The following CAMK4 variants were observed in gnomAD, a reference collection of about 807,000 sequenced individuals.
The protein encoded by CAMK4 is calcium/calmodulin dependent protein kinase IV, also known as calcium/calmodulin-dependent protein kinase type IV.
CAMK4 carries 22 observed loss-of-function variants against 44.9 expected under a neutral mutation model. That is an observed-to-expected ratio of 0.49 (90% confidence interval 0.35 to 0.70). The LOEUF (loss-of-function observed/expected upper bound fraction) is 0.70. Among genes scored for constraint, CAMK4 ranks in the 30% least tolerant of loss-of-function variants. The pLI is 0.01. For missense variants in CAMK4, 498 were observed against 586.8 expected (o/e 0.85, Z 1.56); for synonymous variants, 218 against 215.4 (o/e 1.01, Z -0.11).
chr5:111,270,880 T>A (rs1750481819), intron 1 of CAMK4, among the ~76,000 whole-genome samples: 1 of 152,166 alleles, frequency 6.6e-6, no homozygotes, highest in Non-Finnish European at 1.5e-5. Flanking sequence ...GAGTAATTTA[T>A]AAAGGAAGGA....
At chr5:111,344,215 T>C (rs940014535) in intron 2 of CAMK4, 113 bp downstream of exon 2, 2 of 611,224 alleles carry the variant, frequency 3.3e-6, no homozygotes, top group Non-Finnish European at 5.7e-6. Flanking sequence ...AAATAACCCA[T>C]TTGACTCTTG....
At chr5:111,451,256 ATTTATAAAAC>A (rs755428554) in intron 7 of CAMK4, among the ~76,000 whole-genome samples, 73,974 of 151,988 alleles carry the variant, frequency 0.49, 18,195 homozygotes, top group Middle Eastern at 0.58. Flanking sequence ...AAATTTATAT[ATTTATAAAAC>A]TATAAATCAA....
intron 1 of CAMK4, among the ~76,000 whole-genome samples, chr5:111,278,829 T>A (rs1242103943): frequency 6.6e-6 from 1 of 152,174 alleles, no homozygotes; most frequent in Non-Finnish European, 1.5e-5. Context: ...AAAGGGATGG[T>A]TTCAGTGATA....
intron 4 of CAMK4, among the ~76,000 whole-genome samples, chr5:111,384,701 T>C (rs969020222): frequency 6.6e-6 from 1 of 152,190 alleles, no homozygotes; most frequent in Non-Finnish European, 1.5e-5. Flanking sequence ...AGCTTTGAAA[T>C]CTGTTCCCTT....
rs1666746261 is a variant in CAMK4 at position 111,419,064 on chromosome 5, G to A, written c.459+24282G>A. ...ACTAGTTTACAGTCCCACCAACAGT[G>A]TAAAAATGTTCCTATTTCTCCACAT... On this transcript the variant is annotated intron_variant, in intron 5 of 10. Transcript: ENST00000282356. 1.5e-4 allele frequency among the ~76,000 whole-genome samples: 23 copies of A among 152,250 alleles called. No homozygotes were observed. In the South Asian group the frequency reaches 4.8e-3, roughly 32 times the overall value.
At chr5:111,236,172 C>T (rs1395635158) in intron 1 of CAMK4, among the ~76,000 whole-genome samples, 1 of 152,142 alleles carries the variant, frequency 6.6e-6, no homozygotes, top group East Asian at 1.9e-4. Flanking sequence ...AATATTATTC[C>T]CCACACAGGC....
intron 5 of CAMK4, among the ~76,000 whole-genome samples, chr5:111,423,015 A>G (rs1753086725): frequency 6.6e-6 from 1 of 152,162 alleles, no homozygotes; most frequent in Non-Finnish European, 1.5e-5. Context: ...TTTTGTGTTC[A>G]TACCACGGAA....
intron 7 of CAMK4, among the ~76,000 whole-genome samples, chr5:111,462,560 G>T (rs1754680883): frequency 1.3e-5 from 2 of 152,142 alleles, no homozygotes; most frequent in Admixed American, 1.3e-4. Flanking sequence ...TTTTCCAAAA[G>T]AGTTACTAAT....
At chr5:111,259,456 A>G (rs1749886578) in intron 1 of CAMK4, among the ~76,000 whole-genome samples, 1 of 152,352 alleles carries the variant, frequency 6.6e-6, no homozygotes. Context: ...CACTGAACTC[A>G]TGATATTCAC....
chr5:111,383,903 G>C (rs1223477172), intron 4 of CAMK4, among the ~76,000 whole-genome samples: 1 of 152,146 alleles, frequency 6.6e-6, no homozygotes, highest in African/African-American at 2.4e-5. Context: ...AGACATGGAA[G>C]ACTATATATG....
At chr5:111,235,900 C>T (rs1050995699) in intron 1 of CAMK4, among the ~76,000 whole-genome samples, 26 of 152,170 alleles carry the variant, frequency 1.7e-4, no homozygotes, top group Middle Eastern at 3.4e-3. Flanking sequence ...GGCTCTGAGG[C>T]GGGGAGCACC....
intron 2 of CAMK4, among the ~76,000 whole-genome samples, chr5:111,368,857 A>G (rs1339124975): frequency 2.0e-5 from 3 of 151,746 alleles, no homozygotes; most frequent in African/African-American, 7.3e-5. Flanking sequence ...CCTGCACATT[A>G]TTTATCCTGG....
intron 4 of CAMK4, among the ~76,000 whole-genome samples, chr5:111,384,203 G>A (rs1365380601): frequency 6.6e-6 from 1 of 152,194 alleles, no homozygotes; most frequent in Non-Finnish European, 1.5e-5. Flanking sequence ...GAGGAGCACT[G>A]AAGGTCTGCT....
intron 1 of CAMK4, among the ~76,000 whole-genome samples, chr5:111,300,008 G>C (rs762797697): frequency 5.9e-5 from 9 of 152,134 alleles, no homozygotes; most frequent in African/African-American, 2.2e-4. Flanking sequence ...CCAAGAGTCA[G>C]CTATATCTGG....
intron 5 of CAMK4, among the ~76,000 whole-genome samples, chr5:111,402,085 G>A (rs1282909394): frequency 6.6e-6 from 1 of 152,222 alleles, no homozygotes; most frequent in Non-Finnish European, 1.5e-5. Context: ...CTTCCAGAGA[G>A]ACATAGGAAT....
At position 111,344,090 on chromosome 5, in the gene CAMK4, G is replaced by A. The variant is rs751197457; in HGVS notation, c.228G>A (p.Val76=). Residue 76 remains valine, a synonymous_variant, in exon 2 of 11, where the codon GTG becomes GTA. Transcript: ENST00000282356. ...CCCAGAAGCCTTATGCTCTCAAAGT[G>A]TTAAAGAAAACAGTAAGTTTATTTC... ...KGTQKPYALK[V]LKKTVDKKIV... The A allele has an allele frequency of 5.0e-6, 8 of 1,596,530 alleles. No individual in the cohort carries two copies. The highest frequency in any genetic ancestry group is 6.9e-6 in the Non-Finnish European group (8 of 1,165,028).
intron 1 of CAMK4, among the ~76,000 whole-genome samples, chr5:111,331,825 T>C (rs1580604953): frequency 6.6e-6 from 1 of 151,768 alleles, no homozygotes; most frequent in South Asian, 2.1e-4. Flanking sequence ...CAAAGTTCCA[T>C]AGTTTTGATC....
intron 2 of CAMK4, among the ~76,000 whole-genome samples, chr5:111,357,754 G>T (rs764287594): frequency 6.6e-6 from 1 of 151,996 alleles, no homozygotes; most frequent in South Asian, 2.1e-4. Flanking sequence ...TCACTTTAAC[G>T]GTAAAGGAGC....
At chr5:111,349,518 T>A (rs940203721) in intron 2 of CAMK4, among the ~76,000 whole-genome samples, 1 of 151,806 alleles carries the variant, frequency 6.6e-6, no homozygotes, top group East Asian at 1.9e-4. Context: ...TAAAACTATA[T>A]CAAAGGAAAA....
Sources: allele counts gnomAD v4.1 joint callset (sites outside exome capture counted in the v4.1 genomes callset), GRCh38; gene constraint gnomAD v4.1.1; transcripts MANE v1.5; gene names NCBI Gene and HGNC (gene_info 2026-07-23, HGNC 2026-07-21).